The following CSNK1G3 variants were observed in gnomAD, a reference collection of about 807,000 sequenced individuals.
The protein encoded by CSNK1G3 is casein kinase I isoform gamma-3.
Under a neutral mutation model 64.3 loss-of-function variants are expected in CSNK1G3, and 23 were observed. The ratio of observed to expected loss-of-function variants is 0.36; its 90% confidence interval spans 0.26 to 0.51. The LOEUF (loss-of-function observed/expected upper bound fraction) is 0.51, where lower values mean the gene tolerates loss of function less well. Ranked by LOEUF, CSNK1G3 falls within the 20% of genes least tolerant of loss-of-function variation. The probability of loss-of-function intolerance (pLI) is 0.96; values close to 1 mark genes in which losing one functional copy is unlikely to be tolerated. For missense variants in CSNK1G3, 357 were observed against 510.5 expected (o/e 0.70, Z 2.90); for synonymous variants, 158 against 162.2 (o/e 0.97, Z 0.20).
intron 10 of CSNK1G3, among the ~76,000 whole-genome samples, chr5:123,599,610 A>G (rs897917164): frequency 1.3e-5 from 2 of 152,206 alleles, no homozygotes; most frequent in Non-Finnish European, 2.9e-5. Flanking sequence ...TGACCTTTCT[A>G]AAACATTTCT....
At chr5:123,607,928 C>G (rs972438670) in intron 12 of CSNK1G3, among the ~76,000 whole-genome samples, 5 of 152,082 alleles carry the variant, frequency 3.3e-5, no homozygotes, top group African/African-American at 1.2e-4. Flanking sequence ...TTCCTCATAC[C>G]CTCTTAATCT....
chr5:123,589,157 G>A (rs1277460736), intron 8 of CSNK1G3, among the ~76,000 whole-genome samples: 1 of 152,084 alleles, frequency 6.6e-6, no homozygotes, highest in Non-Finnish European at 1.5e-5. Context: ...AGCTAAATTT[G>A]AAGATAAAAT....
At chr5:123,573,531 C>T in exon 5 of CSNK1G3, 2 of 1,600,672 alleles carry the variant, frequency 1.2e-6, no homozygotes, top group Non-Finnish European at 1.7e-6. Context: ...CTCATGATAG[C>T]TATACAACTG....
intron 1 of CSNK1G3, among the ~76,000 whole-genome samples, chr5:123,520,109 C>G (rs904675097): frequency 6.6e-6 from 1 of 152,138 alleles, no homozygotes; most frequent in Admixed American, 6.5e-5. Context: ...GGCAGACACA[C>G]ACACATGGAA....
intron 1 of CSNK1G3, among the ~76,000 whole-genome samples, chr5:123,536,307 A>G (rs990228073): frequency 6.6e-6 from 1 of 152,042 alleles, no homozygotes. Flanking sequence ...TATTACATGT[A>G]GCATACTTTT....
chr5:123,515,530 A>T (rs1296729971), intron 1 of CSNK1G3, among the ~76,000 whole-genome samples: 1 of 152,198 alleles, frequency 6.6e-6, no homozygotes, highest in Non-Finnish European at 1.5e-5. Flanking sequence ...GGATGATAAG[A>T]TGAGAAATTT....
At chr5:123,558,346 A>G (rs1785020446) in intron 4 of CSNK1G3, among the ~76,000 whole-genome samples, 1 of 152,184 alleles carries the variant, frequency 6.6e-6, no homozygotes, top group South Asian at 2.1e-4. Context: ...CATGGAAAAA[A>G]TTTCTATTGT....
chr5:123,514,120 A>G lies in CSNK1G3; in HGVS notation c.-248+1550A>G, dbSNP rs140228407. Reference sequence around the variant, plus strand: ...TGTACAGACACTTCTGCTTTATGTGAACTGGCATTTCTGAATATGCATTAA... The same window carrying G: ...TGTACAGACACTTCTGCTTTATGTGGACTGGCATTTCTGAATATGCATTAA... On this transcript the variant is annotated intron_variant, in intron 1 of 12. Coordinates refer to ENST00000345990, the Ensembl canonical transcript of CSNK1G3. Among the ~76,000 whole-genome samples the G allele has an allele frequency of 3.2e-3, 486 of 152,328 alleles. 4 individuals carry two copies. Among genetic ancestry groups the G allele is most frequent in the Non-Finnish European group, 5.4e-3 (365 of 68,032 alleles).
In CSNK1G3 at chr5:123,587,942, C is replaced by G. The variant is rs1394717601; in HGVS notation, c.674-126C>G. On this transcript the variant is annotated intron_variant, in intron 6 of 12. Transcript: ENST00000345990. ...ATTTTATCACTTATAGTTACTAGAT[C>G]TGTATTTTGTATTTATATGTTGAAC... The G allele has an allele frequency of 1.7e-5, 10 of 592,606 alleles. No individual in the cohort carries two copies. The East Asian group carries it at 2.3e-4, about 13-fold the overall frequency. The allele number at this position is 592,606 out of a possible 1,614,324, so 36.7% of individuals were successfully genotyped here. A position where few individuals can be genotyped will look rare whatever the true frequency, so the allele number is the denominator to read the frequency against.
chr5:123,595,581 T>C (rs1376574481), intron 10 of CSNK1G3, among the ~76,000 whole-genome samples: 12 of 152,152 alleles, frequency 7.9e-5, no homozygotes, highest in Non-Finnish European at 1.3e-4. Context: ...ACTTTCTGAT[T>C]AATTGTTCAA....
At chr5:123,585,002 A>G (rs993216245) in intron 6 of CSNK1G3, among the ~76,000 whole-genome samples, 9 of 152,022 alleles carry the variant, frequency 5.9e-5, no homozygotes, top group African/African-American at 1.4e-4. Context: ...GAACTTTCCA[A>G]TCCAGCTTTT....
At chr5:123,559,691 T>C (rs1022868410) in intron 4 of CSNK1G3, among the ~76,000 whole-genome samples, 1 of 142,518 alleles carries the variant, frequency 7.0e-6, no homozygotes, top group Non-Finnish European at 1.5e-5. Flanking sequence ...AATTTGGGCA[T>C]ATTTTTTGTG....
intron 9 of CSNK1G3, 83 bp from the exon 10 acceptor site, chr5:123,591,236 C>T: frequency 1.1e-5 from 8 of 759,786 alleles, no homozygotes; most frequent in South Asian, 5.6e-5. Context: ...TGTTTTTTTC[C>T]TTAATTCTTT....
At chr5:123,585,514 A>G (rs944388877) in intron 6 of CSNK1G3, among the ~76,000 whole-genome samples, 6 of 152,206 alleles carry the variant, frequency 3.9e-5, no homozygotes, top group Non-Finnish European at 8.8e-5. Context: ...CATACTCTTA[A>G]GAAAACAAAA....
exon 13 of CSNK1G3, chr5:123,614,629 C>A: frequency 2.4e-6 from 1 of 416,520 alleles, no homozygotes; most frequent in Non-Finnish European, 4.3e-6. Context: ...GAGTGCTTTG[C>A]CCATCAGTGA....
At chr5:123,595,593 C>T (rs186845748) in intron 10 of CSNK1G3, among the ~76,000 whole-genome samples, 68 of 151,990 alleles carry the variant, frequency 4.5e-4, no homozygotes, top group Non-Finnish European at 9.3e-4. Flanking sequence ...ATTGTTCAAA[C>T]GAACATGACC....
At chr5:123,588,225 A>C in intron 7 of CSNK1G3, 72 bp downstream of exon 7, 1 of 1,231,236 alleles carries the variant, frequency 8.1e-7, no homozygotes, top group Non-Finnish European at 1.2e-6. Context: ...TTCCAACTAA[A>C]CAGTTTTCAT....
At chr5:123,591,453 G>T in intron 10 of CSNK1G3, 39 bp downstream of exon 10, 1 of 1,333,038 alleles carries the variant, frequency 7.5e-7, no homozygotes, top group Non-Finnish European at 1.1e-6. Context: ...TTCCTTTCAT[G>T]ATTGAAACAT....
intron 1 of CSNK1G3, among the ~76,000 whole-genome samples, chr5:123,521,485 T>C (rs747368782): frequency 5.3e-5 from 8 of 152,216 alleles, no homozygotes; most frequent in Non-Finnish European, 1.0e-4. Context: ...AGTCGATAAC[T>C]AGAATGCATA....
Sources: allele counts gnomAD v4.1 joint callset (sites outside exome capture counted in the v4.1 genomes callset), GRCh38; gene constraint gnomAD v4.1.1; transcripts MANE v1.5; gene names NCBI Gene and HGNC (gene_info 2026-07-23, HGNC 2026-07-21).